Variants in CHD9 observed in about 807,000 individuals in gnomAD.
The protein encoded by CHD9 is ATP-dependent chromatin remodeler CHD9.
In CHD9, 77 loss-of-function variants were observed where a neutral mutation model predicts 316.1. The ratio of observed to expected loss-of-function variants is 0.24; its 90% CI spans 0.20 to 0.29. The LOEUF (loss-of-function observed/expected upper bound fraction) is 0.29. Ranked by LOEUF, CHD9 falls within the 10% of genes least tolerant of loss-of-function variation. CHD9 has a pLI of 1.00. For synonymous variants in CHD9, 1,129 were observed against 1,158.3 expected, an observed-to-expected ratio of 0.97 and a Z score of 0.51; for missense variants, 2,763 against 3,438.1, an observed-to-expected ratio of 0.80 and a Z score of 4.91.
intron 19 of CHD9, among the ~76,000 whole-genome samples, chr16:53,257,115 G>A (rs2050680159): frequency 6.6e-6 from 1 of 152,168 alleles, no homozygotes; most frequent in South Asian, 2.1e-4. Flanking sequence ...TGAGGGAATT[G>A]CGAATTTCAT....
At chr16:53,286,121 C>T in intron 25 of CHD9, 105 bp from the exon 26 acceptor site, 2 of 579,610 alleles carry the variant, frequency 3.5e-6, no homozygotes, top group South Asian at 2.5e-5. Context: ...ATGTATTATC[C>T]CTTTAGTCCA....
At position 53,245,601 on chromosome 16, in the gene CHD9, A is replaced by G. The variant is rs971460774; in HGVS notation, c.3205A>G (p.Lys1069Glu). The change falls in exon 15 of 39, where the codon AAA (lysine) becomes GAA (glutamate). Residue 1069 changes from lysine to glutamate, a missense_variant. By Grantham distance (56) the Lys-to-Glu change is moderately conservative. Coordinates refer to ENST00000447540, the MANE Select transcript of CHD9 (RefSeq NM_001308319.2). This position sits in a 1 kb window ranked among gnomAD's most constrained non-coding sequence, Gnocchi z 4.1. ...GDLKTEEQVQ[K>E]LQAILKPMML... ...TTTATCATTTTTTATTCAGGTACAG[A>G]AACTTCAGGCTATCCTGAAACCAAT... The G allele has an allele frequency of 6.4e-7, 1 of 1,561,800 alleles. No individual in the cohort carries two copies. The highest frequency in any genetic ancestry group is 1.4e-5 in the African/African-American group (1 of 72,424).
chr16:53,226,068 A>G (rs1236379187), intron 4 of CHD9, among the ~76,000 whole-genome samples: 1 of 152,064 alleles, frequency 6.6e-6, no homozygotes, highest in Non-Finnish European at 1.5e-5. Context: ...CTGTGAAATA[A>G]TTTTTTTAAA....
intron 1 of CHD9, among the ~76,000 whole-genome samples, chr16:53,133,579 T>G (rs762032528): frequency 6.6e-6 from 1 of 152,226 alleles, no homozygotes; most frequent in Non-Finnish European, 1.5e-5. Context: ...TGAGCCTTAG[T>G]TTCCTCCTGT....
Position 53,303,999 on chromosome 16 carries a change from A to G in CHD9, c.5993A>G (p.Gln1998Arg). The part of the protein sequence containing the change: ...RDPELSFMAA[Q>R]RNYSQSKMAH... The stretch of plus-strand genomic sequence containing the variant: ...CCTGAACTCTCATTTATGGCAGCTC[A>G]GAGGAACTACAGTCAAAGTAAGATG... Residue 1998 changes from glutamine to arginine, a missense_variant, in exon 31 of 39, where the codon CAG becomes CGG. This residue lies in a region of CHD9 where 663 missense variants were observed against 751.2 expected (regional missense o/e 0.88). Transcript: ENST00000447540. The G allele has an allele frequency of 6.2e-7, 1 of 1,614,070 alleles. No homozygotes were observed. The highest frequency in any genetic ancestry group is 1.6e-4 in the Middle Eastern group (1 of 6,062).
Position 53,325,063 on chromosome 16 carries a change from T to A in CHD9, c.*168T>A. ...GAGACTTTTTGCATGTAATATTTCT[T>A]AAGATTCATAAGTTTCTGAACTCGT... On this transcript the variant is annotated 3_prime_UTR_variant, in exon 39 of 39. Transcript: ENST00000447540. 1 of 554,500 alleles carries A rather than the reference T, an allele frequency of 1.8e-6. No homozygotes were observed. The highest frequency in any genetic ancestry group is 3.4e-5 in the South Asian group (1 of 29,648). 34.3% of individuals were successfully genotyped at this position (554,500 alleles called of 1,614,324 possible).
In CHD9 at chr16:53,324,856, G is replaced by A. The variant is rs993330671; in HGVS notation, c.8655G>A (p.Ser2885=). ...CTTCATCTGGATCTGATAGTACATC[G>A]TCGTCATCTGAGGATTCAGATTCTA... ...ADASSGSDST[S]SSSEDSDSSN... is the part of the protein sequence containing the mutation. Residue 2885 remains serine, a synonymous_variant, in exon 39 of 39, where the codon TCG becomes TCA. Transcript: ENST00000447540. 3 of 1,606,610 alleles carry A rather than the reference G, an allele frequency of 1.9e-6. No homozygotes were observed. The highest frequency in any genetic ancestry group is 1.1e-5 in the South Asian group (1 of 89,938).
At chr16:53,226,628 T>C (rs1235623289) in intron 5 of CHD9, 116 bp downstream of exon 5, 1 of 1,121,786 alleles carries the variant, frequency 8.9e-7, no homozygotes, top group East Asian at 2.7e-5. Flanking sequence ...GGATTCCATA[T>C]TATTAGTTAA....
At chr16:53,199,729 G>A (rs994986884) in intron 2 of CHD9, among the ~76,000 whole-genome samples, 1 of 152,108 alleles carries the variant, frequency 6.6e-6, no homozygotes, top group Non-Finnish European at 1.5e-5. Flanking sequence ...TTAACCTACT[G>A]TAGTGTGGCT....
intron 1 of CHD9, among the ~76,000 whole-genome samples, chr16:53,055,649 C>T (rs961021329): frequency 4.6e-5 from 7 of 152,140 alleles, no homozygotes; most frequent in Non-Finnish European, 2.9e-5. Context: ...TGTTCTAACC[C>T]AGAATGCTGA....
At chr16:53,278,504 G>A (rs1383852363) in intron 24 of CHD9, among the ~76,000 whole-genome samples, 1 of 152,114 alleles carries the variant, frequency 6.6e-6, no homozygotes, top group Admixed American at 6.5e-5. Context: ...ATAAAGTGGG[G>A]AAAAGACACC....
chr16:53,096,357 A>G (rs1279590466), intron 1 of CHD9, among the ~76,000 whole-genome samples: 1 of 152,132 alleles, frequency 6.6e-6, no homozygotes, highest in Non-Finnish European at 1.5e-5. Flanking sequence ...TAAACCAACA[A>G]TATGATAATA....
intron 1 of CHD9, among the ~76,000 whole-genome samples, chr16:53,111,691 G>A (rs764610613): frequency 6.6e-6 from 1 of 151,916 alleles, no homozygotes; most frequent in Non-Finnish European, 1.5e-5. Context: ...TTTTTGTTTT[G>A]GTGAACATAT....
At chr16:53,256,949 C>A (rs1567572546) in intron 19 of CHD9, among the ~76,000 whole-genome samples, 1 of 151,904 alleles carries the variant, frequency 6.6e-6, no homozygotes, top group South Asian at 2.1e-4. Context: ...ATTTAGCAGA[C>A]TAATAAATTC....
chr16:53,307,182 G>A (rs572094551), intron 32 of CHD9, among the ~76,000 whole-genome samples: 10 of 152,080 alleles, frequency 6.6e-5, no homozygotes, highest in Non-Finnish European at 1.3e-4. Context: ...TTCTGTGTAC[G>A]TCTAAGTTGT....
intron 33 of CHD9, 49 bp downstream of exon 33, chr16:53,308,002 A>T: frequency 6.7e-7 from 1 of 1,491,532 alleles, no homozygotes; most frequent in South Asian, 1.3e-5. Flanking sequence ...TGCGGTGTGC[A>T]GCATGCTTTT....
In CHD9 at chr16:53,237,702, A is replaced by G. The variant is rs147960295; in HGVS notation, c.2634-641A>G. ...TTGAGGCTTACTCTTTTGAGCCTCC[A>G]TAATAAACCATACTGATGATTCTTA... On this transcript the variant is annotated intron_variant, in intron 11 of 38. Transcript: ENST00000447540. Among the ~76,000 whole-genome samples, 251 of 152,308 alleles carry G rather than the reference A, an allele frequency of 1.6e-3. 1 individual carries two copies. The highest frequency in any genetic ancestry group is 4.6e-3 in the African/African-American group (190 of 41,580).
chr16:53,221,295 A>G (rs750857026), intron 3 of CHD9, among the ~76,000 whole-genome samples: 35 of 152,182 alleles, frequency 2.3e-4, no homozygotes, highest in Non-Finnish European at 4.0e-4. Context: ...AATTTGCCCA[A>G]TGTCTCACAG....
intron 2 of CHD9, among the ~76,000 whole-genome samples, chr16:53,191,015 A>G (rs2044434555): frequency 6.6e-6 from 1 of 152,142 alleles, no homozygotes; most frequent in Admixed American, 6.5e-5. Context: ...TGACAAATAT[A>G]TACAATTAGG....
Sources: gnomAD v4.1 joint callset for allele counts (sites outside exome capture counted in the v4.1 genomes callset) on GRCh38, gnomAD v4.1.1 for gene constraint, gnomAD v4.1.1 regional missense constraint, Gnocchi (gnomAD v3.1) non-coding constraint, MANE v1.5 for transcripts, NCBI Gene and HGNC (gene_info 2026-07-23, HGNC 2026-07-21) for gene names.